The following PPP4R3B variants were observed in gnomAD, a reference collection of about 807,000 sequenced individuals.
The protein encoded by PPP4R3B is protein phosphatase 4 regulatory subunit 3B.
PPP4R3B carries 52 observed loss-of-function variants against 95.4 expected under a neutral mutation model. That is an observed-to-expected ratio of 0.54 (90% confidence interval 0.44 to 0.69). The LOEUF (loss-of-function observed/expected upper bound fraction) is 0.69. Among genes scored for constraint, PPP4R3B ranks in the 30% least tolerant of loss-of-function variants. The probability of loss-of-function intolerance (pLI) is 0.00; values close to 1 mark genes in which losing one functional copy is unlikely to be tolerated. For synonymous variants in PPP4R3B, 407 were observed against 343.9 expected (o/e 1.18, Z -2.03); for missense variants, 1,003 against 1,005.9 (o/e 1.00, Z 0.04).
intron 3 of PPP4R3B, among the ~76,000 whole-genome samples, chr2:55,603,272 C>A (rs1438648878): frequency 6.6e-6 from 1 of 152,072 alleles, no homozygotes; most frequent in Non-Finnish European, 1.5e-5. Flanking sequence ...CACTTATATC[C>A]AAGAACATGT....
intron 5 of PPP4R3B, among the ~76,000 whole-genome samples, chr2:55,587,589 GAAAA>G: frequency 6.6e-6 from 1 of 152,064 alleles, no homozygotes; most frequent in East Asian, 1.9e-4. Context: ...TTTTCGAAAA[GAAAA>G]AATAAAAAAC....
At position 55,599,311 on chromosome 2, in the gene PPP4R3B, G is replaced by A. The variant is rs545446398; in HGVS notation, c.298-272C>T. On this transcript the variant is annotated intron_variant, in intron 3 of 16. Transcript: ENST00000616407. ...AAATCAGCCAGGTGTGGTGGCATAC[G>A]CCTGTAATCTCAGCTACTCAGGTGG... 7.9e-5 allele frequency among the ~76,000 whole-genome samples: 12 copies of A among 152,240 alleles called. No individual in the cohort carries two copies. In the East Asian group the frequency reaches 9.7e-4, roughly 12 times the overall value.
intron 16 of PPP4R3B, among the ~76,000 whole-genome samples, chr2:55,555,392 G>C (rs1685727093): frequency 6.6e-6 from 1 of 150,516 alleles, no homozygotes; most frequent in Admixed American, 6.6e-5. Context: ...GAAATCCTAA[G>C]ATCACCACTT....
chr2:55,564,592 G>A (rs932190906), intron 14 of PPP4R3B, 95 bp from the exon 15 acceptor site: 10 of 1,114,532 alleles, frequency 9.0e-6, no homozygotes, highest in African/African-American at 1.6e-5. Flanking sequence ...ATGAACTGAA[G>A]TAATTTTAAC....
intron 3 of PPP4R3B, among the ~76,000 whole-genome samples, chr2:55,602,271 C>T (rs550753667): frequency 3.3e-5 from 5 of 152,148 alleles, no homozygotes; most frequent in East Asian, 1.9e-4. Context: ...ATAAATCCTA[C>T]GCTAAATGTA....
At chr2:55,570,338 C>G (rs1309046339) in intron 12 of PPP4R3B, among the ~76,000 whole-genome samples, 2 of 152,154 alleles carry the variant, frequency 1.3e-5, no homozygotes, top group African/African-American at 4.8e-5. Context: ...GCTATTTTAC[C>G]TGGCTAAATA....
intron 16 of PPP4R3B, among the ~76,000 whole-genome samples, chr2:55,554,111 C>T (rs771476919): frequency 1.9e-4 from 29 of 152,168 alleles, no homozygotes; most frequent in Non-Finnish European, 2.6e-4. Context: ...CTTAGAGACT[C>T]GAAAGTGCAG....
At chr2:55,585,564 T>A (rs1172732141) in intron 6 of PPP4R3B, among the ~76,000 whole-genome samples, 2 of 152,298 alleles carry the variant, frequency 1.3e-5, no homozygotes, top group Middle Eastern at 3.4e-3. Context: ...TTGTCCTGAT[T>A]TTGCAAGAGT....
intron 2 of PPP4R3B, among the ~76,000 whole-genome samples, chr2:55,607,007 A>G (rs1317874471): frequency 6.6e-6 from 1 of 151,878 alleles, no homozygotes; most frequent in East Asian, 1.9e-4. Context: ...ATCATCATCA[A>G]CCCCTTTTAA....
intron 2 of PPP4R3B, among the ~76,000 whole-genome samples, chr2:55,604,619 A>G (rs1485576138): frequency 1.3e-5 from 2 of 152,120 alleles, no homozygotes; most frequent in Non-Finnish European, 2.9e-5. Flanking sequence ...AGTGCTACCA[A>G]CAGCACCCAG....
At chr2:55,580,840 A>G (rs1689352980) in intron 8 of PPP4R3B, among the ~76,000 whole-genome samples, 1 of 152,228 alleles carries the variant, frequency 6.6e-6, no homozygotes. Flanking sequence ...CTAATCCTTA[A>G]GTATTAAGGA....
At chr2:55,613,113 A>C (rs1448418734) in intron 2 of PPP4R3B, among the ~76,000 whole-genome samples, 1 of 152,150 alleles carries the variant, frequency 6.6e-6, no homozygotes, top group African/African-American at 2.4e-5. Flanking sequence ...CCTCTCAAAA[A>C]AATTATTTTC....
At chr2:55,596,339 C>T (rs568904446) in intron 4 of PPP4R3B, among the ~76,000 whole-genome samples, 1 of 36,692 alleles carries the variant, frequency 2.7e-5, no homozygotes, top group African/African-American at 1.8e-4. Flanking sequence ...TCAGATTCGT[C>T]TATTTCGAAA....
Position 55,554,154 on chromosome 2 carries a change from C to T in PPP4R3B, c.2455-4148G>A, listed in dbSNP as rs570411156. Among the ~76,000 whole-genome samples the T allele has an allele frequency of 2.3e-4, 35 of 152,106 alleles. No homozygotes were observed. In the South Asian group the frequency reaches 5.2e-3, roughly 23 times the overall value. On this transcript the variant is annotated intron_variant, in intron 16 of 16. Transcript: ENST00000616407. ...ATCTCGGCTTATTGCAACCTCTGCC[C>T]GCTGGGCTCAAGTGATACTCCCACC...
intron 12 of PPP4R3B, among the ~76,000 whole-genome samples, chr2:55,569,811 TTG>T (rs1210740916): frequency 6.6e-6 from 1 of 152,136 alleles, no homozygotes; most frequent in African/African-American, 2.4e-5. Flanking sequence ...TCTCTTTGTC[TTG>T]TGTCTTTATT....
intron 4 of PPP4R3B, among the ~76,000 whole-genome samples, chr2:55,596,413 T>G (rs1691786637): frequency 6.6e-6 from 1 of 152,254 alleles, no homozygotes; most frequent in African/African-American, 2.4e-5. Flanking sequence ...CAATACCATG[T>G]GCAGGACTGC....
At chr2:55,596,347 A>G (rs1574856081) in intron 4 of PPP4R3B, among the ~76,000 whole-genome samples, 1 of 3,114 alleles carries the variant, frequency 3.2e-4, no homozygotes, top group East Asian at 8.9e-4. Context: ...GTCTATTTCG[A>G]AAAAAAAAAT....
intron 2 of PPP4R3B, among the ~76,000 whole-genome samples, chr2:55,608,982 G>A (rs1157131416): frequency 6.6e-6 from 1 of 152,008 alleles, no homozygotes; most frequent in Non-Finnish European, 1.5e-5. Flanking sequence ...CAAAACCACC[G>A]CCCTGCCTCC....
At chr2:55,600,778 A>G (rs181598738) in intron 3 of PPP4R3B, among the ~76,000 whole-genome samples, 92 of 152,282 alleles carry the variant, frequency 6.0e-4, no homozygotes, top group African/African-American at 2.1e-3. Flanking sequence ...AATTTAAAAA[A>G]ACAATGACAA....
Sources: allele counts gnomAD v4.1 joint callset (sites outside exome capture counted in the v4.1 genomes callset), GRCh38; gene constraint gnomAD v4.1.1; transcripts MANE v1.5; gene names NCBI Gene and HGNC (gene_info 2026-07-23, HGNC 2026-07-21).